PCDH9: variants seen among roughly 807,000 people sequenced by gnomAD.
PCDH9 encodes protocadherin 9, also known as protocadherin-9.
A neutral mutation model predicts 70.6 loss-of-function variants in PCDH9; 24 were observed. The ratio of observed to expected loss-of-function variants is 0.34; its 90% CI spans 0.25 to 0.48. The LOEUF is 0.48. Among genes scored for constraint, PCDH9 ranks in the 20% least tolerant of loss-of-function variants. The pLI is 0.99. For synonymous variants in PCDH9, 562 were observed against 558.5 expected (o/e 1.01, Z -0.09); for missense variants, 1,281 against 1,503.6 (o/e 0.85, Z 2.45).
chr13:66,989,013 C>A (rs887564729), intron 2 of PCDH9, among the ~76,000 whole-genome samples: 1 of 151,856 alleles, frequency 6.6e-6, no homozygotes, highest in Non-Finnish European at 1.5e-5. Context: ...TCACATGCAG[C>A]AAACTTGTTT....
chr13:66,552,212 G>A (rs1377585576), intron 4 of PCDH9, among the ~76,000 whole-genome samples: 2 of 152,046 alleles, frequency 1.3e-5, no homozygotes, highest in Non-Finnish European at 2.9e-5. Context: ...ACTCCCAAAC[G>A]TGTAATCTTG....
At chr13:66,737,148 AAAT>A (rs1441229453) in intron 3 of PCDH9, among the ~76,000 whole-genome samples, 6 of 152,236 alleles carry the variant, frequency 3.9e-5, no homozygotes, top group Non-Finnish European at 5.9e-5. Flanking sequence ...TTTATTCATC[AAAT>A]AATAATTGTT....
intron 2 of PCDH9, among the ~76,000 whole-genome samples, chr13:67,008,906 A>T (rs1036515669): frequency 6.6e-6 from 1 of 152,296 alleles, no homozygotes; most frequent in African/African-American, 2.4e-5. Flanking sequence ...TTCTCATAGA[A>T]CAAGAACATT....
At position 66,322,615 on chromosome 13, in the gene PCDH9, G is replaced by A. The variant is rs947779836; in HGVS notation, c.3341-17587C>T. Among the ~76,000 whole-genome samples the A allele has an allele frequency of 3.3e-5, 5 of 152,132 alleles. No homozygotes were observed. The East Asian group carries it at 5.8e-4, about 18-fold the overall frequency. On this transcript the variant is annotated intron_variant, in intron 4 of 4. Transcript: ENST00000377865. ...CCTCTGTTTATTTAACAGCATCCTTGTTGGTGACTGCATGATAGAATCCTT... is the reference window on the plus strand; with the variant it reads ...CCTCTGTTTATTTAACAGCATCCTTATTGGTGACTGCATGATAGAATCCTT...
intron 4 of PCDH9, among the ~76,000 whole-genome samples, chr13:66,492,481 AATG>A (rs1214913959): frequency 6.7e-6 from 1 of 148,222 alleles, no homozygotes; most frequent in African/African-American, 2.4e-5. Context: ...AAATATATAT[AATG>A]ATTTTTATAT....
chr13:66,578,609 C>CA (rs1182036238), intron 4 of PCDH9, among the ~76,000 whole-genome samples: 1 of 151,848 alleles, frequency 6.6e-6, no homozygotes, highest in Non-Finnish European at 1.5e-5. Context: ...GCATATTTTA[C>CA]AAAGAAAAGA....
intron 4 of PCDH9, chr13:66,306,362 T>C (rs997497716): frequency 1.1e-4 from 16 of 149,060 alleles, no homozygotes; most frequent in Admixed American, 6.8e-5. Context: ...AGGAAACAGT[T>C]GATGGTAAAG....
chr13:66,682,072 G>A (rs1249516560), intron 3 of PCDH9, among the ~76,000 whole-genome samples: 3 of 151,314 alleles, frequency 2.0e-5, no homozygotes, highest in Non-Finnish European at 2.9e-5. Context: ...CTAAAAAATA[G>A]TTATCTATTT....
At chr13:66,559,213 T>C (rs1229506707) in intron 4 of PCDH9, among the ~76,000 whole-genome samples, 1 of 152,188 alleles carries the variant, frequency 6.6e-6, no homozygotes, top group African/African-American at 2.4e-5. Flanking sequence ...TACTCATATG[T>C]TCACTTTACT....
intron 2 of PCDH9, among the ~76,000 whole-genome samples, chr13:66,929,208 T>G (rs1475659378): frequency 6.6e-6 from 1 of 152,056 alleles, no homozygotes; most frequent in Non-Finnish European, 1.5e-5. Context: ...GAATAAATTT[T>G]TATGCTCTTA....
At chr13:66,962,909 T>C (rs1285360704) in intron 2 of PCDH9, among the ~76,000 whole-genome samples, 23 of 152,138 alleles carry the variant, frequency 1.5e-4, no homozygotes, top group Admixed American at 1.5e-3. Flanking sequence ...TGTTGTAATA[T>C]ATAATGAAAT....
At chr13:66,927,927 A>G (rs1470318691) in intron 2 of PCDH9, among the ~76,000 whole-genome samples, 6 of 152,158 alleles carry the variant, frequency 3.9e-5, no homozygotes, top group Non-Finnish European at 8.8e-5. Context: ...TGTTAGCTGG[A>G]AAATAAGTAG....
intron 4 of PCDH9, among the ~76,000 whole-genome samples, chr13:66,384,340 T>G (rs1956893151): frequency 6.6e-6 from 1 of 152,126 alleles, no homozygotes; most frequent in African/African-American, 2.4e-5. Context: ...TACAAAAAAT[T>G]CATTGCAAAT....
chr13:66,833,831 A>G (rs1263771994), intron 3 of PCDH9, among the ~76,000 whole-genome samples: 4 of 152,158 alleles, frequency 2.6e-5, no homozygotes, highest in Admixed American at 6.5e-5. Flanking sequence ...ATAAATTTGT[A>G]ATTTAAGCAA....
chr13:67,017,100 G>T (rs1017836649), intron 2 of PCDH9, among the ~76,000 whole-genome samples: 1 of 152,126 alleles, frequency 6.6e-6, no homozygotes, highest in African/African-American at 2.4e-5. Context: ...CTGATACATC[G>T]AGCAAATGTG....
intron 2 of PCDH9, among the ~76,000 whole-genome samples, chr13:67,034,794 G>A (rs934094695): frequency 5.3e-5 from 8 of 150,636 alleles, no homozygotes; most frequent in African/African-American, 2.0e-4. Context: ...TTAAAATTTA[G>A]TCTGTTCAAA....
At chr13:67,129,029 A>T (rs1053895421) in intron 2 of PCDH9, among the ~76,000 whole-genome samples, 1 of 151,498 alleles carries the variant, frequency 6.6e-6, no homozygotes, top group African/African-American at 2.4e-5. Flanking sequence ...TGTTTTTTTA[A>T]TTTTTTTTTA....
chr13:66,501,440 T>C (rs60607185), intron 4 of PCDH9, among the ~76,000 whole-genome samples: 3,767 of 152,212 alleles, frequency 0.025, 167 homozygotes, highest in African/African-American at 0.087. Flanking sequence ...TTAAACAGCA[T>C]GGGAGAAAGA....
chr13:66,731,668 A>G (rs927869513), intron 3 of PCDH9, among the ~76,000 whole-genome samples: 1 of 152,150 alleles, frequency 6.6e-6, no homozygotes, highest in Admixed American at 6.5e-5. Context: ...AACATATCTC[A>G]TAAGTGAATC....
Sources: allele counts gnomAD v4.1 joint callset (sites outside exome capture counted in the v4.1 genomes callset), GRCh38; gene constraint gnomAD v4.1.1; transcripts MANE v1.5; gene names NCBI Gene and HGNC (gene_info 2026-07-23, HGNC 2026-07-21).